KIAA1549: variants seen among roughly 807,000 people sequenced by gnomAD.
KIAA1549 encodes the protein KIAA1549.
A neutral mutation model predicts 156.4 loss-of-function variants in KIAA1549; 70 were observed. That is an observed-to-expected ratio of 0.45 (90% CI 0.37 to 0.55). KIAA1549 has a LOEUF of 0.55. Among genes scored for constraint, KIAA1549 ranks in the 20% least tolerant of loss-of-function variants. The pLI is 0.00. For synonymous variants in KIAA1549, 1,103 were observed against 1,066.4 expected (o/e 1.03, Z -0.67); for missense variants, 2,428 against 2,540.9 (o/e 0.96, Z 0.96).
Position 138,911,201 on chromosome 7 carries a change from G to C in KIAA1549, c.3090C>G (p.Ile1030Met), listed in dbSNP as rs777684554. 1.3e-6 allele frequency: 2 copies of C among 1,599,026 alleles called. No homozygotes were observed. Among genetic ancestry groups the C allele is most frequent in the Non-Finnish European group, 1.7e-6 (2 of 1,172,274 alleles). Residue 1030 changes from isoleucine (I) to methionine (M), a missense_variant, in exon 4 of 20, where the codon ATC becomes ATG. Ile to Met is a conservative substitution (Grantham distance 10). Around this residue, in one of 5 missense-constraint regions of KIAA1549, gnomAD observed 762 missense variants for 901.6 expected, o/e 0.85. Coordinates refer to ENST00000422774, the MANE Select transcript of KIAA1549 (RefSeq NM_001164665.2). ...CAAGGAAAGAAGGTTTCACAGACAG[G>C]ATTAAAGGAGTCTGGTCACGGACAA... ...SKLVRDQTPL[I>M]LSVKPSFLVP...
At chr7:138,901,333 T>A (rs58700508) in intron 8 of KIAA1549, among the ~76,000 whole-genome samples, 7 of 148,680 alleles carry the variant, frequency 4.7e-5, no homozygotes, top group African/African-American at 1.5e-4. Context: ...TTTATTTTTT[T>A]TTTTTTTTTT....
chr7:138,955,916 G>A (rs941838767), intron 1 of KIAA1549, among the ~76,000 whole-genome samples: 25 of 152,124 alleles, frequency 1.6e-4, no homozygotes, highest in South Asian at 2.1e-4. Context: ...GTTTTGAGAC[G>A]GAGTCTTGCT....
Position 138,894,458 on chromosome 7 carries a change from C to A in KIAA1549, c.3916G>T (p.Val1306Phe). The A allele has an allele frequency of 1.2e-6, 2 of 1,614,060 alleles. No homozygotes were observed. Among genetic ancestry groups the A allele is most frequent in the Non-Finnish European group, 1.7e-6 (2 of 1,179,900 alleles). Residue 1306 changes from valine to phenylalanine, a missense_variant, in exon 10 of 20, where the codon GTC (valine) becomes TTC (phenylalanine). Val to Phe is a conservative substitution (Grantham distance 50). This residue lies in a region of KIAA1549 where 762 missense variants were observed against 901.6 expected (regional missense o/e 0.85). Transcript: ENST00000422774. ...SNNLWVIVGV[V>F]IPVLVVMVIV... ...ACCATCACCACCAGCACTGGGATGA[C>A]CACGCCAACAATGACCCACAAGTTG...
chr7:138,912,321 C>G, intron 3 of KIAA1549, 51 bp downstream of exon 3: 1 of 1,348,328 alleles, frequency 7.4e-7, no homozygotes, highest in Non-Finnish European at 1.1e-6. Context: ...GGGGCTCTCA[C>G]ATCAGCCCCA....
intron 13 of KIAA1549, among the ~76,000 whole-genome samples, 159 bp downstream of exon 13, chr7:138,870,998 G>C (rs192713214): frequency 6.6e-6 from 1 of 152,128 alleles, no homozygotes. Flanking sequence ...TGTATTTTTA[G>C]TAGAGATGGC....
intron 1 of KIAA1549, among the ~76,000 whole-genome samples, chr7:138,978,592 G>A (rs1814449544): frequency 1.3e-5 from 2 of 152,184 alleles, no homozygotes; most frequent in South Asian, 2.1e-4. Context: ...CACCTGGAAG[G>A]TGGACTCTAT....
At chr7:138,951,956 G>A (rs574102681) in intron 1 of KIAA1549, among the ~76,000 whole-genome samples, 1 of 152,276 alleles carries the variant, frequency 6.6e-6, no homozygotes, top group African/African-American at 2.4e-5. Context: ...ATCGCCTCTG[G>A]AATCGAACAA....
chr7:138,850,395 G>A (rs1810203228), intron 17 of KIAA1549, among the ~76,000 whole-genome samples: 1 of 152,140 alleles, frequency 6.6e-6, no homozygotes, highest in African/African-American at 2.4e-5. Context: ...ATTCTGACTG[G>A]TATGAGATGG....
At chr7:138,940,699 T>C (rs1418989150) in intron 1 of KIAA1549, among the ~76,000 whole-genome samples, 4 of 152,332 alleles carry the variant, frequency 2.6e-5, no homozygotes, top group Admixed American at 6.5e-5. Context: ...TTTTTAATGA[T>C]TGCCATTCTA....
chr7:138,912,511 C>CA lies in KIAA1549; in HGVS notation c.2879-52dup. ...TGCCTTTTCATGTCATTATGAATAA[C>CA]AAACACACCAGACTTCTGGACCCCA... On this transcript the variant is annotated intron_variant, in intron 2 of 19. Transcript: ENST00000422774. 5 of 1,439,372 alleles carry CA rather than the reference C, an allele frequency of 3.5e-6. No individual in the cohort carries two copies. The South Asian group carries it at 4.6e-5, about 13-fold the overall frequency. The allele number at this position is 1,439,372 out of a possible 1,614,324, so 89.2% of individuals were successfully genotyped here. A position where few individuals can be genotyped will look rare whatever the true frequency, so the allele number is the denominator to read the frequency against.
At chr7:138,966,739 C>T (rs1214708184) in intron 1 of KIAA1549, among the ~76,000 whole-genome samples, 2 of 152,028 alleles carry the variant, frequency 1.3e-5, no homozygotes, top group African/African-American at 4.8e-5. Context: ...CACAGGCACA[C>T]CCAGGATCAA....
intron 16 of KIAA1549, among the ~76,000 whole-genome samples, chr7:138,859,051 A>G (rs982460968): frequency 2.7e-5 from 4 of 149,456 alleles, no homozygotes; most frequent in African/African-American, 1.0e-4. Flanking sequence ...ACACACACAC[A>G]CGAACAGAAA....
chr7:138,894,498 C>G lies in KIAA1549; in HGVS notation c.3876G>C (p.Pro1292=), dbSNP rs1338002405. The G allele has an allele frequency of 6.2e-7, 1 of 1,613,854 alleles. No homozygotes were observed. Among genetic ancestry groups the G allele is most frequent in the African/African-American group, 1.3e-5 (1 of 74,914 alleles). The change falls in exon 10 of 20, where the codon CCG becomes CCC. Residue 1292 remains proline (P), a synonymous_variant. Transcript: ENST00000422774. ...QPVDRVKRPS[P]ESQSNNLWVI... is the part of the protein sequence containing the mutation. Reference sequence around the variant, plus strand: ...CCCACAAGTTGTTGCTCTGGGATTCCGGAGACGGCCTCTTCACCCTGTCGA... The same window carrying G: ...CCCACAAGTTGTTGCTCTGGGATTCGGGAGACGGCCTCTTCACCCTGTCGA...
chr7:138,923,220 C>A (rs1471128053), intron 1 of KIAA1549, among the ~76,000 whole-genome samples: 1 of 152,162 alleles, frequency 6.6e-6, no homozygotes, highest in South Asian at 2.1e-4. Flanking sequence ...CAAAAGAAGA[C>A]CCACAGTAAA....
At chr7:138,869,498 G>A (rs368127912) in intron 14 of KIAA1549, 40 bp downstream of exon 14, 4 of 1,494,030 alleles carry the variant, frequency 2.7e-6, no homozygotes, top group Non-Finnish European at 3.6e-6. Context: ...CAGCACCTCT[G>A]CGCGCCCGCC....
Position 138,869,467 on chromosome 7 carries a change from G to A in KIAA1549, c.4775+71C>T, listed in dbSNP as rs955821822. 8 of 1,222,582 alleles carry A rather than the reference G, an allele frequency of 6.5e-6. No homozygotes were observed. The South Asian group carries it at 1.0e-4, about 16-fold the overall frequency. The allele number at this position is 1,222,582 out of a possible 1,614,324, so 75.7% of individuals were successfully genotyped here. On this transcript the variant is annotated intron_variant, in intron 14 of 19. Coordinates refer to ENST00000422774, the MANE Select transcript of KIAA1549 (RefSeq NM_001164665.2). ...GCCCTGCAGTAGCAGAGGGGCTCCT[G>A]TCCTGCTCCTGTGCCCCCCGCAGCA...
intron 5 of KIAA1549, among the ~76,000 whole-genome samples, chr7:138,908,167 G>A (rs1402956553): frequency 6.6e-6 from 1 of 152,108 alleles, no homozygotes; most frequent in African/African-American, 2.4e-5. Context: ...ACAGTCTCCA[G>A]ATTTACAGAA....
In KIAA1549 at chr7:138,834,517, T is replaced by C. The variant is rs1159718142; in HGVS notation, c.*3389A>G. 4.4e-6 allele frequency: 1 copy of C among 226,446 alleles called. No homozygotes were observed. Among genetic ancestry groups the C allele is most frequent in the Non-Finnish European group, 8.8e-6 (1 of 113,862 alleles). 14.0% of individuals were successfully genotyped at this position (226,446 alleles called of 1,614,324 possible). A position where few individuals can be genotyped will look rare whatever the true frequency, so the allele number is the denominator to read the frequency against. ...GGTATCTTCCATCTTCTATACCCAC[T>C]CGTGCTATCTTAGATTCTAAAATCT... On this transcript the variant is annotated 3_prime_UTR_variant, in exon 20 of 20. Coordinates refer to ENST00000422774, the MANE Select transcript of KIAA1549 (RefSeq NM_001164665.2).
At chr7:138,960,864 T>C (rs1813825282) in intron 1 of KIAA1549, among the ~76,000 whole-genome samples, 1 of 152,218 alleles carries the variant, frequency 6.6e-6, no homozygotes, top group African/African-American at 2.4e-5. Context: ...CAAACTATTA[T>C]GAAGCAAAGT....
Sources: allele counts gnomAD v4.1 joint callset (sites outside exome capture counted in the v4.1 genomes callset), GRCh38; gene constraint gnomAD v4.1.1; regional missense constraint gnomAD v4.1.1; transcripts MANE v1.5; gene names NCBI Gene and HGNC (gene_info 2026-07-23, HGNC 2026-07-21).